The following ZNF365 variants were observed in gnomAD, a reference collection of about 807,000 sequenced individuals.
ZNF365 encodes the protein protein ZNF365.
Under a neutral mutation model 35.0 loss-of-function variants are expected in ZNF365, and 22 were observed. That is an observed-to-expected ratio of 0.63 (90% CI 0.45 to 0.90). The LOEUF is 0.90. Among genes scored for constraint, ZNF365 ranks in the 40% least tolerant of loss-of-function variants. The pLI is 0.00. For synonymous variants in ZNF365, 188 were observed against 196.2 expected, an observed-to-expected ratio of 0.96 and a Z score of 0.35; for missense variants, 448 against 500.3, an observed-to-expected ratio of 0.90 and a Z score of 1.00.
chr10:62,447,713 G>A (rs1054403176), intron 3 of ZNF365, among the ~76,000 whole-genome samples: 7 of 152,096 alleles, frequency 4.6e-5, no homozygotes, highest in African/African-American at 9.7e-5. Flanking sequence ...CTTTCTTTGC[G>A]GGGAATCACG....
chr10:62,423,577 TC>T (rs1840207214), intron 3 of ZNF365, among the ~76,000 whole-genome samples: 3 of 152,194 alleles, frequency 2.0e-5, no homozygotes, highest in Non-Finnish European at 1.5e-5. Context: ...TGACATGTGC[TC>T]ATCTTGGCTA....
At position 62,459,537 on chromosome 10, in the gene ZNF365, C is replaced by A. The variant is rs11818163; in HGVS notation, c.925-204C>A. Among the ~76,000 whole-genome samples the A allele has an allele frequency of 0.21, 31,600 of 152,128 alleles. 4,643 individuals carry two copies. Among genetic ancestry groups the A allele is most frequent in the African/African-American group, 0.42 (17,432 of 41,474 alleles). On this transcript the variant is annotated intron_variant, in intron 3 of 4. Transcript: ENST00000395255. ...TGATTTTTAATATAGGGTAACAAAA[C>A]TCTGAATGCAATAAAAAGGCAAAGT... is the stretch of plus-strand genomic sequence containing the variant.
intron 4 of ZNF365, among the ~76,000 whole-genome samples, chr10:62,473,367 T>C (rs571673752): frequency 2.6e-5 from 4 of 152,220 alleles, no homozygotes; most frequent in Admixed American, 6.5e-5. Context: ...AAAAACTTTG[T>C]TGATCTGACT....
intron 3 of ZNF365, among the ~76,000 whole-genome samples, chr10:62,433,431 A>G (rs1840361942): frequency 6.6e-6 from 1 of 152,194 alleles, no homozygotes; most frequent in African/African-American, 2.4e-5. Context: ...TTAAAAAAAC[A>G]GAGAATATGA....
chr10:62,473,375 A>T (rs1841075458), intron 4 of ZNF365, among the ~76,000 whole-genome samples: 1 of 152,250 alleles, frequency 6.6e-6, no homozygotes, highest in Admixed American at 6.5e-5. Flanking sequence ...TGTTGATCTG[A>T]CTTCTCCTTT....
chr10:62,384,328 C>T (rs570901770), intron 2 of ZNF365, among the ~76,000 whole-genome samples: 4 of 152,168 alleles, frequency 2.6e-5, no homozygotes, highest in East Asian at 3.9e-4. Flanking sequence ...CTGTTCTGTC[C>T]GATAGCATCA....
chr10:62,409,006 C>A (rs952284368), intron 3 of ZNF365, among the ~76,000 whole-genome samples: 2 of 152,138 alleles, frequency 1.3e-5, no homozygotes, highest in Non-Finnish European at 1.5e-5. Context: ...ATTCAAACCC[C>A]CTTCTTGTGA....
chr10:62,433,661 G>T (rs1044376166), intron 3 of ZNF365, among the ~76,000 whole-genome samples: 2 of 152,258 alleles, frequency 1.3e-5, no homozygotes, highest in South Asian at 2.1e-4. Flanking sequence ...TCCAAGTCAG[G>T]TTGAGAGCAT....
intron 3 of ZNF365, among the ~76,000 whole-genome samples, chr10:62,421,365 A>G (rs1331295219): frequency 6.6e-6 from 1 of 152,206 alleles, no homozygotes; most frequent in Non-Finnish European, 1.5e-5. Flanking sequence ...CACAGTTGAT[A>G]AAGTAAAATA....
chr10:62,427,460 T>C (rs1840268094), intron 3 of ZNF365, among the ~76,000 whole-genome samples: 1 of 152,232 alleles, frequency 6.6e-6, no homozygotes, highest in African/African-American at 2.4e-5. Flanking sequence ...GTACACTCTA[T>C]TTTGTTAGCA....
intron 3 of ZNF365, among the ~76,000 whole-genome samples, chr10:62,408,590 T>G (rs1299460268): frequency 6.6e-6 from 1 of 152,168 alleles, no homozygotes; most frequent in Non-Finnish European, 1.5e-5. Flanking sequence ...ACAGAGTCAG[T>G]ACTTAATATA....
chr10:62,459,878 G>C, intron 4 of ZNF365: 1 of 1,270,758 alleles, frequency 7.9e-7, no homozygotes, highest in Non-Finnish European at 1.1e-6. Context: ...AGAGAGACTG[G>C]AAGGGGCGCA....
In ZNF365 at chr10:62,436,039, T is replaced by A. The variant is rs1324063193; in HGVS notation, c.925-23702T>A. Among the ~76,000 whole-genome samples, 6 of 152,338 alleles carry A rather than the reference T, an allele frequency of 3.9e-5. No individual in the cohort carries two copies. The South Asian group carries it at 1.0e-3, about 26-fold the overall frequency. ...TTTTTACTTCATGGGTATTTGGTTTTTTTTGTAATACCGTAATACTTTAAG... is the reference window on the plus strand; with the variant it reads ...TTTTTACTTCATGGGTATTTGGTTTATTTTGTAATACCGTAATACTTTAAG... On this transcript the variant is annotated intron_variant, in intron 3 of 4. Coordinates refer to the ZNF365 transcript ENST00000395255.
Position 62,399,831 on chromosome 10 carries a change from G to A in ZNF365, c.*42G>A, listed in dbSNP as rs754116468. 3.8e-6 allele frequency: 6 copies of A among 1,568,180 alleles called. No individual in the cohort carries two copies. Among genetic ancestry groups the A allele is most frequent in the East Asian group, 2.3e-5 (1 of 44,062 alleles). The stretch of plus-strand genomic sequence containing the variant: ...GGACCAATCATCGCTGGGCTTTGGG[G>A]AACGTTGTTCCAGGAGCCAACAGTA... On this transcript the variant is annotated 3_prime_UTR_variant, in exon 5 of 5. Transcript: ENST00000395254.
chr10:62,413,212 T>C (rs996580848), intron 3 of ZNF365, among the ~76,000 whole-genome samples: 1 of 152,168 alleles, frequency 6.6e-6, no homozygotes, highest in Admixed American at 6.6e-5. Context: ...ATGATGTGGT[T>C]GTATTTCCCA....
chr10:62,385,189 GTAATACATCTA>G (rs1468700168), intron 2 of ZNF365, among the ~76,000 whole-genome samples: 1 of 152,140 alleles, frequency 6.6e-6, no homozygotes, highest in Non-Finnish European at 1.5e-5. Flanking sequence ...CCTAGTTGAT[GTAATACATCTA>G]CAAACTGAAA....
intron 3 of ZNF365, among the ~76,000 whole-genome samples, chr10:62,441,903 T>A (rs1251145870): frequency 6.6e-6 from 1 of 152,126 alleles, no homozygotes; most frequent in Non-Finnish European, 1.5e-5. Flanking sequence ...GCAGAATAGA[T>A]GGTGATTATA....
chr10:62,445,774 A>G (rs540544006), intron 3 of ZNF365, among the ~76,000 whole-genome samples: 1 of 152,202 alleles, frequency 6.6e-6, no homozygotes, highest in African/African-American at 2.4e-5. Flanking sequence ...GTTGAGAACC[A>G]CTGATTCAAA....
intron 4 of ZNF365, among the ~76,000 whole-genome samples, chr10:62,466,424 C>A (rs962638331): frequency 6.6e-6 from 1 of 152,190 alleles, no homozygotes; most frequent in Admixed American, 6.5e-5. Context: ...CATTCACACA[C>A]CCCCTGCCAC....
Sources: allele counts gnomAD v4.1 joint callset (sites outside exome capture counted in the v4.1 genomes callset), GRCh38; gene constraint gnomAD v4.1.1; transcripts MANE v1.5; gene names NCBI Gene and HGNC (gene_info 2026-07-23, HGNC 2026-07-21).